Variants in FAM184B observed in about 807,000 individuals in gnomAD.
FAM184B encodes the protein family with sequence similarity 184 member B.
A neutral mutation model predicts 135.9 loss-of-function variants in FAM184B; 111 were observed. That is an observed-to-expected ratio of 0.82 (90% CI 0.70 to 0.96). The LOEUF (loss-of-function observed/expected upper bound fraction) is 0.96, where lower values mean the gene tolerates loss of function less well. Among genes scored for constraint, FAM184B ranks in the 40% least tolerant of loss-of-function variants. The pLI is 0.00. For synonymous variants in FAM184B, 552 were observed against 524.8 expected (o/e 1.05, Z -0.71); for missense variants, 1,375 against 1,323.9 (o/e 1.04, Z -0.60).
At chr4:17,632,716 C>T (rs1577237655) in intron 17 of FAM184B, 91 bp from the exon 18 acceptor site, 2 of 837,518 alleles carry the variant, frequency 2.4e-6, no homozygotes, top group South Asian at 3.2e-5. Context: ...AAGATAACTG[C>T]TTGTTTACTC....
intron 5 of FAM184B, among the ~76,000 whole-genome samples, chr4:17,700,872 T>C (rs1425368811): frequency 6.6e-6 from 1 of 151,940 alleles, no homozygotes; most frequent in Non-Finnish European, 1.5e-5. Context: ...CATTGAACAA[T>C]ATACTTCTAA....
intron 1 of FAM184B, among the ~76,000 whole-genome samples, chr4:17,767,236 G>A (rs1718720231): frequency 6.6e-6 from 1 of 152,194 alleles, no homozygotes; most frequent in Non-Finnish European, 1.5e-5. Flanking sequence ...GCCTGGGCCA[G>A]CCCAGAGAGG....
chr4:17,750,265 A>C (rs1382764078), intron 1 of FAM184B, among the ~76,000 whole-genome samples: 1 of 152,192 alleles, frequency 6.6e-6, no homozygotes, highest in African/African-American at 2.4e-5. Context: ...GTGTATTGTT[A>C]TTCTTTAATC....
In FAM184B at chr4:17,630,719, G is replaced by T. The variant is rs1227382939; in HGVS notation, c.*1813C>A. On this transcript the variant is annotated 3_prime_UTR_variant, in exon 18 of 18. Coordinates refer to ENST00000265018, the MANE Select transcript of FAM184B (RefSeq NM_015688.2). ...GCATTTAAAAATGCATTGGAGCCTC[G>T]TTTTGATTAGGCAGTAAATTTACCT... 6.6e-6 allele frequency: 1 copy of T among 151,852 alleles called. No individual in the cohort carries two copies. Among genetic ancestry groups the T allele is most frequent in the Non-Finnish European group, 1.5e-5 (1 of 68,002 alleles). The allele number at this position is 151,852 out of a possible 1,614,324, so 9.4% of individuals were successfully genotyped here. A position where few individuals can be genotyped will look rare whatever the true frequency, so the allele number is the denominator to read the frequency against.
At chr4:17,765,077 G>T (rs1718629622) in intron 1 of FAM184B, among the ~76,000 whole-genome samples, 1 of 152,102 alleles carries the variant, frequency 6.6e-6, no homozygotes, top group Non-Finnish European at 1.5e-5. Flanking sequence ...AAGAAAAAAA[G>T]AAAGTAATTC....
At chr4:17,712,756 G>C (rs1432665993) in intron 1 of FAM184B, among the ~76,000 whole-genome samples, 1 of 148,948 alleles carries the variant, frequency 6.7e-6, no homozygotes, top group Non-Finnish European at 1.5e-5. Context: ...CAAAAAAAAA[G>C]CTTTGTATGG....
intron 2 of FAM184B, among the ~76,000 whole-genome samples, 173 bp downstream of exon 2, chr4:17,708,719 T>TA (rs1560182147): frequency 4.5e-5 from 5 of 112,186 alleles, no homozygotes; most frequent in African/African-American, 1.4e-4. Context: ...AGTGTCTGTG[T>TA]GTGTGTGTGT....
At chr4:17,689,733 T>C (rs765807004) in intron 6 of FAM184B, among the ~76,000 whole-genome samples, 80 of 152,130 alleles carry the variant, frequency 5.3e-4, no homozygotes, top group Non-Finnish European at 1.0e-3. Flanking sequence ...TCCTCCCACC[T>C]CAGCCTCCCA....
chr4:17,632,408 T>A lies in FAM184B; in HGVS notation c.*124A>T. 1 of 807,724 alleles carries A rather than the reference T, an allele frequency of 1.2e-6. No homozygotes were observed. Among genetic ancestry groups the A allele is most frequent in the Non-Finnish European group, 1.9e-6 (1 of 524,704 alleles). 50.0% of individuals were successfully genotyped at this position (807,724 alleles called of 1,614,324 possible). A position where few individuals can be genotyped will look rare whatever the true frequency, so the allele number is the denominator to read the frequency against. ...TGAAGTGTTAACGCCAAAATTTGTT[T>A]TAGCTATCATATATAAATCATAAGC... is the stretch of plus-strand genomic sequence containing the variant. On this transcript the variant is annotated 3_prime_UTR_variant, in exon 18 of 18. Transcript: ENST00000265018.
chr4:17,678,828 G>C lies in FAM184B; in HGVS notation c.1596+9596C>G, dbSNP rs558670731. Among the ~76,000 whole-genome samples, 23 of 152,246 alleles carry C rather than the reference G, an allele frequency of 1.5e-4. No individual in the cohort carries two copies. The South Asian group carries it at 4.6e-3, about 30-fold the overall frequency. On this transcript the variant is annotated intron_variant, in intron 7 of 17. Transcript: ENST00000265018. ...ACAGCATGGTACTGGTATAAAAACA[G>C]ACACATAGGCCAATGGAACACAATA...
At chr4:17,764,146 A>T (rs1425343302) in intron 1 of FAM184B, among the ~76,000 whole-genome samples, 2 of 152,314 alleles carry the variant, frequency 1.3e-5, no homozygotes, top group East Asian at 3.9e-4. Flanking sequence ...ACTCGTTTTC[A>T]AATCTGTATT....
intron 7 of FAM184B, among the ~76,000 whole-genome samples, chr4:17,686,836 G>A (rs1716600585): frequency 6.6e-6 from 1 of 152,220 alleles, no homozygotes; most frequent in Non-Finnish European, 1.5e-5. Context: ...CAGCTACTCG[G>A]GAGGCTGAGG....
At chr4:17,752,329 G>A (rs141308915) in intron 1 of FAM184B, among the ~76,000 whole-genome samples, 24 of 152,198 alleles carry the variant, frequency 1.6e-4, no homozygotes, top group African/African-American at 4.6e-4. Flanking sequence ...TGGGTGGATG[G>A]GTAGGACGGG....
At chr4:17,728,006 G>A (rs557661539) in intron 1 of FAM184B, among the ~76,000 whole-genome samples, 33 of 152,262 alleles carry the variant, frequency 2.2e-4, no homozygotes, top group Admixed American at 1.9e-3. Flanking sequence ...GTCCAGGCAT[G>A]ATGGCTCATA....
intron 7 of FAM184B, among the ~76,000 whole-genome samples, chr4:17,685,198 TAAAAAAA>T (rs56051873): frequency 1.9e-5 from 2 of 103,534 alleles, no homozygotes; most frequent in Admixed American, 2.1e-4. Flanking sequence ...CCCTGGAACT[TAAAAAAA>T]AAAAAAAAAA....
intron 16 of FAM184B, among the ~76,000 whole-genome samples, chr4:17,634,269 C>G (rs1715057970): frequency 6.6e-6 from 1 of 152,184 alleles, no homozygotes; most frequent in South Asian, 2.1e-4. Flanking sequence ...ATAAAAACTA[C>G]ACGAGATGAC....
At chr4:17,770,732 C>T (rs974647259) in intron 1 of FAM184B, among the ~76,000 whole-genome samples, 1 of 152,152 alleles carries the variant, frequency 6.6e-6, no homozygotes, top group Admixed American at 6.5e-5. Flanking sequence ...TCCCAAAGTG[C>T]TGGGATTACA....
At chr4:17,730,135 C>T (rs191720810) in intron 1 of FAM184B, among the ~76,000 whole-genome samples, 1 of 151,978 alleles carries the variant, frequency 6.6e-6, no homozygotes, top group Non-Finnish European at 1.5e-5. Context: ...CCCCAGGAGC[C>T]AATGTGATCA....
Position 17,709,121 on chromosome 4 carries a change from T to A in FAM184B, c.665A>T (p.Gln222Leu), listed in dbSNP as rs1448497163. The change falls in exon 2 of 18, where the codon CAG (glutamine) becomes CTG (leucine). Residue 222 changes from glutamine (Q) to leucine (L), a missense_variant. Transcript: ENST00000265018. Reference sequence around the variant, plus strand: ...CTCGTTTTCCCTCTCGTAGGTGGCCTGCAGCTCCTCGGCCTTGCGGGCGTA... The same window carrying A: ...CTCGTTTTCCCTCTCGTAGGTGGCCAGCAGCTCCTCGGCCTTGCGGGCGTA... Reference protein sequence around the residue: ...KDYARKAEELQATYERENEAI... With the variant: ...KDYARKAEELLATYERENEAI... 6.5e-7 allele frequency: 1 copy of A among 1,549,090 alleles called. No individual in the cohort carries two copies. Among genetic ancestry groups the A allele is most frequent in the Admixed American group, 2.0e-5 (1 of 51,000 alleles).
Sources: gnomAD v4.1 joint callset for allele counts (sites outside exome capture counted in the v4.1 genomes callset) on GRCh38, gnomAD v4.1.1 for gene constraint, MANE v1.5 for transcripts, NCBI Gene and HGNC (gene_info 2026-07-23, HGNC 2026-07-21) for gene names.